Variants in SLC14A2 observed in about 807,000 individuals in gnomAD.
The protein encoded by SLC14A2 is urea transporter 2.
Under a neutral mutation model 104.6 loss-of-function variants are expected in SLC14A2, and 91 were observed. That is an observed-to-expected ratio of 0.87 (90% CI 0.73 to 1.04). The LOEUF (loss-of-function observed/expected upper bound fraction) is 1.04. SLC14A2 is among the 50% of genes least tolerant of loss of function. The pLI, the probability that SLC14A2 is intolerant of heterozygous loss-of-function variation, is 0.00. For synonymous variants in SLC14A2, 476 were observed against 466.4 expected, an observed-to-expected ratio of 1.02 and a Z score of -0.27; for missense variants, 1,189 against 1,156.0, an observed-to-expected ratio of 1.03 and a Z score of -0.41.
upstream of SLC14A2, among the ~76,000 whole-genome samples, chr18:45,208,695 G>C (rs773224071): frequency 6.6e-6 from 1 of 152,014 alleles, no homozygotes; most frequent in Non-Finnish European, 1.5e-5. Flanking sequence ...TGAGAAGCTG[G>C]GTTTTATACT....
At chr18:45,302,492 C>T (rs1275573401) in intron 1 of SLC14A2, among the ~76,000 whole-genome samples, 2 of 152,180 alleles carry the variant, frequency 1.3e-5, no homozygotes, top group African/African-American at 4.8e-5. Context: ...CCTCAAGATT[C>T]CTTGTCTGGG....
chr18:45,460,481 A>C (rs1260568509), intron 1 of SLC14A2, among the ~76,000 whole-genome samples: 7 of 152,218 alleles, frequency 4.6e-5, no homozygotes, highest in Non-Finnish European at 1.0e-4. Flanking sequence ...TTCATGATAG[A>C]AGAATTTTCC....
chr18:45,340,030 C>T (rs1215570928), intron 1 of SLC14A2, among the ~76,000 whole-genome samples: 1 of 152,194 alleles, frequency 6.6e-6, no homozygotes, highest in Non-Finnish European at 1.5e-5. Context: ...CCTCTGCTTA[C>T]CTGGGCACAG....
intron 1 of SLC14A2, among the ~76,000 whole-genome samples, chr18:45,469,084 A>G (rs2087197503): frequency 6.6e-6 from 1 of 152,128 alleles, no homozygotes; most frequent in South Asian, 2.1e-4. Context: ...TTGAAGCAGG[A>G]TTTGGATATG....
chr18:45,448,744 A>T (rs1019489891), intron 1 of SLC14A2, among the ~76,000 whole-genome samples: 1 of 152,146 alleles, frequency 6.6e-6, no homozygotes, highest in African/African-American at 2.4e-5. Context: ...ATCTTCATTC[A>T]TGTATTTATT....
At chr18:45,433,776 G>C (rs938167462) in intron 1 of SLC14A2, among the ~76,000 whole-genome samples, 1 of 152,176 alleles carries the variant, frequency 6.6e-6, no homozygotes, top group Non-Finnish European at 1.5e-5. Context: ...TTATTGATGA[G>C]ACCAAGGCTA....
chr18:45,652,836 G>A (rs1286821579), intron 10 of SLC14A2, among the ~76,000 whole-genome samples: 1 of 152,140 alleles, frequency 6.6e-6, no homozygotes, highest in Admixed American at 6.5e-5. Context: ...TGAGTCTAGT[G>A]TTTGTGACAG....
chr18:45,385,351 C>A (rs1348553751), intron 1 of SLC14A2, among the ~76,000 whole-genome samples: 2 of 152,224 alleles, frequency 1.3e-5, no homozygotes, highest in Non-Finnish European at 2.9e-5. Flanking sequence ...AGCTCCACAG[C>A]AAGGTGTTTC....
chr18:45,639,992 A>C, intron 7 of SLC14A2, 99 bp downstream of exon 7: 2 of 1,168,394 alleles, frequency 1.7e-6, no homozygotes, highest in Non-Finnish European at 2.4e-6. Context: ...TCTTCCCTGC[A>C]GTTTTAAATA....
chr18:45,370,633 G>C (rs2085712946), intron 1 of SLC14A2, among the ~76,000 whole-genome samples: 1 of 152,130 alleles, frequency 6.6e-6, no homozygotes, highest in Non-Finnish European at 1.5e-5. Flanking sequence ...GCAGTGCTTA[G>C]GAGCAGGGCG....
At chr18:45,214,809 C>T (rs1297192713) in intron 1 of SLC14A2, among the ~76,000 whole-genome samples, 1 of 150,874 alleles carries the variant, frequency 6.6e-6, no homozygotes, top group Non-Finnish European at 1.5e-5. Context: ...TTATTGAACA[C>T]TTACGGTCTG....
intron 1 of SLC14A2, among the ~76,000 whole-genome samples, chr18:45,256,975 C>T (rs1230686604): frequency 2.6e-5 from 4 of 152,228 alleles, no homozygotes; most frequent in Non-Finnish European, 5.9e-5. Context: ...ACCAGTGTTG[C>T]TCTTGTCTGC....
At chr18:45,584,555 G>A (rs1044318756) in intron 2 of SLC14A2, among the ~76,000 whole-genome samples, 2 of 152,218 alleles carry the variant, frequency 1.3e-5, no homozygotes, top group Non-Finnish European at 2.9e-5. Context: ...TTTTTCAGAA[G>A]CTAAATATGA....
At chr18:45,363,610 AG>A (rs1203721831) in intron 1 of SLC14A2, among the ~76,000 whole-genome samples, 6 of 152,228 alleles carry the variant, frequency 3.9e-5, no homozygotes, top group Admixed American at 1.3e-4. Flanking sequence ...GAATTAAAAA[AG>A]AAGAGGGCAG....
rs1486642603 is a variant in SLC14A2 at position 45,682,365 on chromosome 18, C to T, written c.2609C>T (p.Thr870Ile). Residue 870 changes from threonine to isoleucine, a missense_variant, in exon 20 of 20, where the codon ACC becomes ATC. Transcript: ENST00000255226. ...CTWPFCLSAL[T>I]FLLLTTNNPA... is the part of the protein sequence containing the mutation. ...TGGCCCTTCTGTCTCTCAGCTCTCA[C>T]CTTCCTGCTCCTGACGACCAATAAC... 1.5e-5 allele frequency: 25 copies of T among 1,614,064 alleles called. No homozygotes were observed. Among genetic ancestry groups the T allele is most frequent in the Non-Finnish European group, 1.9e-5 (23 of 1,180,034 alleles).
At chr18:45,634,677 T>C (rs926896029) in intron 5 of SLC14A2, 3 of 366,226 alleles carry the variant, frequency 8.2e-6, no homozygotes, top group Non-Finnish European at 1.6e-5. Flanking sequence ...GGGCAGGTAC[T>C]CGATGAGAGT....
At position 45,639,865 on chromosome 18, in the gene SLC14A2, C is replaced by A. The variant is rs776028306; in HGVS notation, c.963C>A (p.Ala321=). The change falls in exon 7 of 20, where the codon GCC becomes GCA. Residue 321 remains alanine, a synonymous_variant. Transcript: ENST00000255226. The part of the protein sequence containing the change: ...ISSPLICLHA[A]IGSIVGLLAA... ...CGCCACTCATCTGCTTGCATGCAGC[C>A]ATTGGCTCAATCGTGGGGCTGCTAG... The A allele has an allele frequency of 6.2e-7, 1 of 1,613,724 alleles. No individual in the cohort carries two copies. Among genetic ancestry groups the A allele is most frequent in the Non-Finnish European group, 8.5e-7 (1 of 1,179,978 alleles).
chr18:45,644,399 C>T lies in SLC14A2; in HGVS notation c.1351+239C>T, dbSNP rs376942106. The stretch of plus-strand genomic sequence containing the variant: ...GATGTTGGTATTACAGTAAAATTTC[C>T]GGAGTTAGCAATAAGGTGTGTGTCT... On this transcript the variant is annotated intron_variant, in intron 10 of 19. Transcript: ENST00000255226. 1.8e-4 allele frequency: 76 copies of T among 416,494 alleles called. 3 individuals carry two copies. The highest frequency in any genetic ancestry group is 8.7e-4 in the Admixed American group (23 of 26,350). 25.8% of individuals were successfully genotyped at this position (416,494 alleles called of 1,614,324 possible).
At position 45,670,982 on chromosome 18, in the gene SLC14A2, C is replaced by T. The variant is rs553897254; in HGVS notation, c.2229+1484C>T. On this transcript the variant is annotated intron_variant, in intron 16 of 19. Transcript: ENST00000255226. ...CTGGCTGAGAACTATTTGTGTTAGT[C>T]GGATCCTTGATCATTTTGTGTGTGT... is the stretch of plus-strand genomic sequence containing the variant. Among the ~76,000 whole-genome samples the T allele has an allele frequency of 6.6e-5, 10 of 152,188 alleles. No homozygotes were observed. In the South Asian group the frequency reaches 8.3e-4, roughly 13 times the overall value.
Sources: allele counts gnomAD v4.1 joint callset (sites outside exome capture counted in the v4.1 genomes callset), GRCh38; gene constraint gnomAD v4.1.1; transcripts MANE v1.5; gene names NCBI Gene and HGNC (gene_info 2026-07-23, HGNC 2026-07-21).